The following COL23A1 variants were observed in gnomAD, a reference collection of about 807,000 sequenced individuals.
COL23A1 encodes collagen type XXIII alpha 1 chain.
Under a neutral mutation model 99.3 loss-of-function variants are expected in COL23A1, and 97 were observed. The ratio of observed to expected loss-of-function variants is 0.98; its 90% CI spans 0.83 to 1.16. The LOEUF (loss-of-function observed/expected upper bound fraction) is 1.16, where lower values mean the gene tolerates loss of function less well. Among genes scored for constraint, COL23A1 ranks in the 50% most tolerant of loss-of-function variants. The probability of loss-of-function intolerance (pLI) is 0.00; values close to 1 mark genes in which losing one functional copy is unlikely to be tolerated. For synonymous variants in COL23A1, 320 were observed against 308.2 expected (o/e 1.04, Z -0.40); for missense variants, 762 against 757.4 (o/e 1.01, Z -0.07).
intron 1 of COL23A1, among the ~76,000 whole-genome samples, chr5:178,588,572 G>C (rs1039062762): frequency 1.3e-5 from 2 of 152,196 alleles, no homozygotes; most frequent in Admixed American, 6.5e-5. Flanking sequence ...TTCCAGCAGG[G>C]CTGAGAGAGA....
intron 2 of COL23A1, among the ~76,000 whole-genome samples, chr5:178,555,518 A>T (rs1182095047): frequency 2.6e-5 from 4 of 152,214 alleles, no homozygotes; most frequent in Non-Finnish European, 5.9e-5. Flanking sequence ...CCCTGAGCCC[A>T]GATGGGCCTG....
intron 2 of COL23A1, among the ~76,000 whole-genome samples, chr5:178,558,943 C>A (rs1762416262): frequency 1.3e-5 from 2 of 152,250 alleles, no homozygotes; most frequent in African/African-American, 2.4e-5. Context: ...CATGCGCCAC[C>A]ATGCCTGGCT....
At chr5:178,267,422 G>T in intron 7 of COL23A1, 89 bp from the exon 8 acceptor site, 1 of 1,285,036 alleles carries the variant, frequency 7.8e-7, no homozygotes, top group Non-Finnish European at 1.1e-6. Context: ...GTGCTTCATA[G>T]ACATGGTATG....
chr5:178,318,630 G>C (rs893397194), intron 2 of COL23A1, among the ~76,000 whole-genome samples: 2 of 152,194 alleles, frequency 1.3e-5, no homozygotes, highest in East Asian at 1.9e-4. Context: ...GGCCGGGCGC[G>C]GTGGCTCACA....
intron 3 of COL23A1, among the ~76,000 whole-genome samples, chr5:178,290,978 C>T (rs977821636): frequency 1.3e-5 from 2 of 152,194 alleles, no homozygotes; most frequent in East Asian, 1.9e-4. Context: ...GTTGCATACT[C>T]GTTATTGCAT....
At chr5:178,475,149 CA>C (rs1256513155) in intron 2 of COL23A1, among the ~76,000 whole-genome samples, 3 of 152,236 alleles carry the variant, frequency 2.0e-5, no homozygotes, top group Non-Finnish European at 4.4e-5. Flanking sequence ...TAATCCAGTA[CA>C]ACCTCATCTT....
intron 2 of COL23A1, among the ~76,000 whole-genome samples, chr5:178,442,375 C>T (rs901872330): frequency 2.6e-5 from 4 of 152,156 alleles, no homozygotes; most frequent in Non-Finnish European, 1.5e-5. Flanking sequence ...TAAAGATCAC[C>T]GCCATCTCCA....
At chr5:178,585,711 A>T (rs796554860) in intron 1 of COL23A1, among the ~76,000 whole-genome samples, 286 of 50,280 alleles carry the variant, frequency 5.7e-3, no homozygotes, top group African/African-American at 0.012. Flanking sequence ...ACAGCCCTGG[A>T]TGGCGCTGGG....
rs1765271707 is a variant in COL23A1, at chr5:178,255,859, CAG to C, written c.882+492_882+493del. ...GCCAGCCTCTGGGAGCATGAGGAGA[CAG>C]AGCCGAGGCCAGGATCCCGGACGTC... On this transcript the variant is annotated intron_variant, in intron 15 of 28. Coordinates refer to ENST00000390654, the MANE Select transcript of COL23A1 (RefSeq NM_173465.4). This position sits in a 1 kb window ranked among gnomAD's most constrained non-coding sequence, Gnocchi z 4.2. 1 of 410,402 alleles carries C rather than the reference CAG, an allele frequency of 2.4e-6. No homozygotes were observed. The highest frequency in any genetic ancestry group is 5.0e-6 in the Non-Finnish European group (1 of 200,166). 25.4% of individuals were successfully genotyped at this position (410,402 alleles called of 1,614,324 possible).
chr5:178,377,200 T>C (rs564482600), intron 2 of COL23A1, among the ~76,000 whole-genome samples: 1 of 152,302 alleles, frequency 6.6e-6, no homozygotes, highest in South Asian at 2.1e-4. Flanking sequence ...GAGCTATGAT[T>C]AACGTAATTC....
intron 8 of COL23A1, among the ~76,000 whole-genome samples, chr5:178,264,010 T>C (rs945274278): frequency 7.2e-5 from 11 of 152,014 alleles, no homozygotes; most frequent in East Asian, 1.9e-4. Context: ...AATGGCAACA[T>C]TGAAGAGATG....
rs371244442 is a variant in COL23A1, at chr5:178,376,459, C to G, written c.362-69540G>C. The stretch of plus-strand genomic sequence containing the variant: ...ACAGGGAGTTGGGTGTGAGGCCCCC[C>G]ACTGCCTGGTGCTGGGGAGACCCCC... On this transcript the variant is annotated intron_variant, in intron 2 of 28. Coordinates refer to ENST00000390654, the MANE Select transcript of COL23A1 (RefSeq NM_173465.4). Among the ~76,000 whole-genome samples the G allele has an allele frequency of 2.6e-4, 40 of 152,328 alleles. No individual in the cohort carries two copies. In the East Asian group the frequency reaches 6.0e-3, roughly 23 times the overall value.
intron 9 of COL23A1, among the ~76,000 whole-genome samples, chr5:178,262,860 G>C (rs959946985): frequency 6.6e-6 from 1 of 152,140 alleles, no homozygotes; most frequent in African/African-American, 2.4e-5. Flanking sequence ...GTAAGGTTCA[G>C]AGTTAGGGTC....
intron 16 of COL23A1, among the ~76,000 whole-genome samples, chr5:178,254,623 G>A (rs1358950400): frequency 6.6e-6 from 1 of 152,162 alleles, no homozygotes; most frequent in Admixed American, 6.5e-5. Context: ...TCCAGCCAGT[G>A]TCCTCTGGGA....
At chr5:178,301,634 A>T (rs1401739851) in intron 3 of COL23A1, among the ~76,000 whole-genome samples, 1 of 152,150 alleles carries the variant, frequency 6.6e-6, no homozygotes, top group Non-Finnish European at 1.5e-5. Flanking sequence ...TCCTGGACTA[A>T]TTCTTTAAAG....
chr5:178,341,867 G>A (rs1251784278), intron 2 of COL23A1, among the ~76,000 whole-genome samples: 1 of 152,144 alleles, frequency 6.6e-6, no homozygotes, highest in African/African-American at 2.4e-5. Flanking sequence ...ACAGCACCTG[G>A]CGAGCCCCTC....
chr5:178,575,739 C>T (rs576408864), intron 1 of COL23A1, among the ~76,000 whole-genome samples: 1 of 152,202 alleles, frequency 6.6e-6, no homozygotes, highest in East Asian at 1.9e-4. Context: ...GAACGCAGGA[C>T]AGTTCCTGGG....
intron 1 of COL23A1, among the ~76,000 whole-genome samples, chr5:178,588,910 G>C (rs415043): frequency 0.041 from 6,246 of 152,226 alleles, 301 homozygotes; most frequent in African/African-American, 0.11. Context: ...TTGAGGATGC[G>C]CCCTTGGACA....
chr5:178,442,451 C>G (rs891597124), intron 2 of COL23A1, among the ~76,000 whole-genome samples: 2 of 152,188 alleles, frequency 1.3e-5, no homozygotes, highest in Non-Finnish European at 2.9e-5. Flanking sequence ...TACCCCTGAG[C>G]ATGTCAAAAG....
Sources: gnomAD v4.1 joint callset for allele counts (sites outside exome capture counted in the v4.1 genomes callset) on GRCh38, gnomAD v4.1.1 for gene constraint, Gnocchi (gnomAD v3.1) non-coding constraint, MANE v1.5 for transcripts, NCBI Gene and HGNC (gene_info 2026-07-23, HGNC 2026-07-21) for gene names.